PIEZO2: variants seen among roughly 807,000 people sequenced by gnomAD.
PIEZO2 encodes piezo type mechanosensitive ion channel component 2, also known as piezo-type mechanosensitive ion channel component 2.
In PIEZO2, 172 loss-of-function variants were observed where a neutral mutation model predicts 337.3. The ratio of observed to expected loss-of-function variants is 0.51; its 90% confidence interval spans 0.45 to 0.58. PIEZO2 has a LOEUF of 0.58. PIEZO2 is among the 20% of genes least tolerant of loss of function. PIEZO2 has a pLI of 0.00. For missense variants in PIEZO2, 3,028 were observed against 3,391.3 expected (o/e 0.89, Z 2.66); for synonymous variants, 1,251 against 1,228.5 (o/e 1.02, Z -0.38).
At chr18:10,848,660 C>T (rs190879414) in intron 7 of PIEZO2, among the ~76,000 whole-genome samples, 2 of 152,216 alleles carry the variant, frequency 1.3e-5, no homozygotes, top group African/African-American at 2.4e-5. Context: ...CAAACAAGTC[C>T]GACCCCTGCA....
At chr18:10,691,724 A>G (rs1435776334) in intron 47 of PIEZO2, among the ~76,000 whole-genome samples, 1 of 144,258 alleles carries the variant, frequency 6.9e-6, no homozygotes, top group Non-Finnish European at 1.5e-5. Flanking sequence ...CTGAAAGAAA[A>G]AGCCTATATA....
At chr18:10,744,094 C>T (rs1049332737) in intron 31 of PIEZO2, 48 bp downstream of exon 31, 1 of 1,345,908 alleles carries the variant, frequency 7.4e-7, no homozygotes, top group Non-Finnish European at 1.0e-6. Context: ...TGAATGTGGT[C>T]ACACAATCAG....
In PIEZO2 at chr18:10,813,051, C is replaced by T. The variant is rs1270423495; in HGVS notation, c.918-5777G>A. Among the ~76,000 whole-genome samples the T allele has an allele frequency of 2.0e-5, 3 of 151,404 alleles. No individual in the cohort carries two copies. Among genetic ancestry groups the T allele is most frequent in the Non-Finnish European group, 2.9e-5 (2 of 67,980 alleles). On this transcript the variant is annotated intron_variant, in intron 7 of 55. Coordinates refer to ENST00000674853, the MANE Select transcript of PIEZO2 (RefSeq NM_001378183.1). The surrounding 1 kb of genome is among the most constrained non-coding windows in gnomAD (Gnocchi z 4.2). Reference sequence around the variant, plus strand: ...CGGGCTGGAGTGCATTGGGCCTCTGCTCACTGCAACCTCTGCCTCCCCGGC... The same window carrying T: ...CGGGCTGGAGTGCATTGGGCCTCTGTTCACTGCAACCTCTGCCTCCCCGGC...
rs2041416162 is a variant in PIEZO2, at chr18:10,847,934, T to C, written c.917+7419A>G. Among the ~76,000 whole-genome samples the C allele has an allele frequency of 6.6e-6, 1 of 152,214 alleles. No individual in the cohort carries two copies. The highest frequency in any genetic ancestry group is 1.5e-5 in the Non-Finnish European group (1 of 68,034). On this transcript the variant is annotated intron_variant, in intron 7 of 55. Transcript: ENST00000674853. The surrounding 1 kb of genome is among the most constrained non-coding windows in gnomAD (Gnocchi z 5.7). ...GGTTCATTTGCATTCCTTAGCATTA[T>C]AATAACGTGCTTTACATTTGTTTTT... is the stretch of plus-strand genomic sequence containing the variant.
intron 27 of PIEZO2, among the ~76,000 whole-genome samples, 185 bp downstream of exon 27, chr18:10,757,784 T>G (rs1275602901): frequency 6.6e-6 from 1 of 151,976 alleles, no homozygotes; most frequent in Non-Finnish European, 1.5e-5. Flanking sequence ...CAAAAGCAGG[T>G]GCAGTGCTAT....
chr18:11,031,088 C>T lies in PIEZO2; in HGVS notation c.160+35039G>A, dbSNP rs1476267856. Reference sequence around the variant, plus strand: ...CATTGCAAACGCCGCCTCCCGGGTTCACACCATTCTCCTGCCTCAGCCTCT... The same window carrying T: ...CATTGCAAACGCCGCCTCCCGGGTTTACACCATTCTCCTGCCTCAGCCTCT... On this transcript the variant is annotated intron_variant, in intron 2 of 55. Transcript: ENST00000674853. The surrounding 1 kb of genome is among the most constrained non-coding windows in gnomAD (Gnocchi z 4.7). 1.3e-5 allele frequency among the ~76,000 whole-genome samples: 2 copies of T among 151,984 alleles called. No homozygotes were observed. Among genetic ancestry groups the T allele is most frequent in the African/African-American group, 4.8e-5 (2 of 41,372 alleles).
chr18:10,870,868 T>TC lies in PIEZO2; in HGVS notation c.492+384dup, dbSNP rs541994740. 1.5e-4 allele frequency among the ~76,000 whole-genome samples: 23 copies of TC among 152,294 alleles called. No homozygotes were observed. In the South Asian group the frequency reaches 2.3e-3, roughly 15 times the overall value. On this transcript the variant is annotated intron_variant, in intron 5 of 55. Transcript: ENST00000674853. The surrounding 1 kb of genome is among the most constrained non-coding windows in gnomAD (Gnocchi z 5.3). ...CCCTGCAAGGAGGAACTCATTTTTT[T>TC]CCCTAAAACTACCAGATGTTACTTC...
At chr18:10,689,094 A>G (rs1003346948) in intron 49 of PIEZO2, among the ~76,000 whole-genome samples, 5 of 152,162 alleles carry the variant, frequency 3.3e-5, no homozygotes, top group Admixed American at 6.5e-5. Context: ...ACCCCAGCTA[A>G]TGTTTTTTGG....
Position 10,750,203 on chromosome 18 carries a change from G to C in PIEZO2, c.4168-16C>G. ...ATGCTCCTATCTGAAAAACAAAAGA[G>C]GGGGATAATCCTGAAGCTCTGCAGC... On this transcript the variant is annotated splice_polypyrimidine_tract_variant and intron_variant, in intron 28 of 55. Coordinates refer to ENST00000674853, the MANE Select transcript of PIEZO2 (RefSeq NM_001378183.1). This position sits in a 1 kb window ranked among gnomAD's most constrained non-coding sequence, Gnocchi z 4.1. 1 of 1,518,448 alleles carries C rather than the reference G, an allele frequency of 6.6e-7. No homozygotes were observed. Among genetic ancestry groups the C allele is most frequent in the Non-Finnish European group, 8.9e-7 (1 of 1,129,904 alleles). The allele number at this position is 1,518,448 out of a possible 1,614,324, so 94.1% of individuals were successfully genotyped here.
chr18:10,680,354 C>G lies in PIEZO2; in HGVS notation c.7797G>C (p.Leu2599=). ...FSRDTGAMQF[L]ENYEKEDITV... ...TTATGTCTTCTTTTTCATAATTTTC[C>G]AGAAATTGCATAGCACCCTGTATGT... Residue 2599 remains leucine, a synonymous_variant, in exon 52 of 56, where the codon CTG becomes CTC. Coordinates refer to ENST00000674853, the MANE Select transcript of PIEZO2 (RefSeq NM_001378183.1). 1 of 1,613,660 alleles carries G rather than the reference C, an allele frequency of 6.2e-7. No individual in the cohort carries two copies. Among genetic ancestry groups the G allele is most frequent in the Non-Finnish European group, 8.5e-7 (1 of 1,179,788 alleles).
intron 7 of PIEZO2, among the ~76,000 whole-genome samples, chr18:10,808,676 T>C (rs1312402559): frequency 6.6e-6 from 1 of 152,226 alleles, no homozygotes; most frequent in East Asian, 1.9e-4. Flanking sequence ...CAGATTTATT[T>C]TTGGAGTTAG....
Position 10,803,947 on chromosome 18 carries a change from G to T in PIEZO2, c.1128C>A (p.Ser376Arg), listed in dbSNP as rs569707825. 1.3e-6 allele frequency: 2 copies of T among 1,537,334 alleles called. No homozygotes were observed. The highest frequency in any genetic ancestry group is 2.7e-5 in the African/African-American group (2 of 73,178). ...TCCTCCCCGCTGTTATTTGGATGGG[G>T]CTACAAGCCAGGGCTTTGTCCTCTT... ...TKEEDKALAC[S>R]PIQITAGRRR... Residue 376 changes from serine to arginine, a missense_variant, in exon 9 of 56, where the codon AGC (serine) becomes AGA (arginine). Physicochemically the swap from Ser to Arg is moderately radical, Grantham distance 110. Around this residue, in one of 5 missense-constraint regions of PIEZO2, gnomAD observed 542 missense variants for 605.6 expected, o/e 0.89. Transcript: ENST00000674853.
At chr18:11,064,972 A>G (rs2038103235) in intron 2 of PIEZO2, among the ~76,000 whole-genome samples, 1 of 152,166 alleles carries the variant, frequency 6.6e-6, no homozygotes, top group Non-Finnish European at 1.5e-5. Flanking sequence ...CTCATTAACA[A>G]TATATTTTTA....
At chr18:11,043,970 G>T (rs2037212130) in intron 2 of PIEZO2, among the ~76,000 whole-genome samples, 2 of 152,018 alleles carry the variant, frequency 1.3e-5, no homozygotes, top group Admixed American at 6.6e-5. Flanking sequence ...ACCGTGTCTG[G>T]CTGGTATTTT....
rs958362142 is a variant in PIEZO2, at chr18:10,943,985, T to C, written c.287-32757A>G. Among the ~76,000 whole-genome samples the C allele has an allele frequency of 6.6e-6, 1 of 152,186 alleles. No homozygotes were observed. Among genetic ancestry groups the C allele is most frequent in the Non-Finnish European group, 1.5e-5 (1 of 68,034 alleles). On this transcript the variant is annotated intron_variant, in intron 3 of 55. Coordinates refer to ENST00000674853, the MANE Select transcript of PIEZO2 (RefSeq NM_001378183.1). This position sits in a 1 kb window ranked among gnomAD's most constrained non-coding sequence, Gnocchi z 4.5. ...TGATGTGACTTCCTCCTACTTGCCT[T>C]CTGCCGTAATTGTGAGGCCTCCCCA...
chr18:10,675,108 T>C, intron 54 of PIEZO2, 101 bp downstream of exon 54: 1 of 747,398 alleles, frequency 1.3e-6, no homozygotes, highest in East Asian at 2.9e-5. Context: ...CAGGGAGAGA[T>C]AACTAGAAAG....
At chr18:11,057,368 C>T (rs1420320963) in intron 2 of PIEZO2, among the ~76,000 whole-genome samples, 1 of 152,162 alleles carries the variant, frequency 6.6e-6, no homozygotes, top group Non-Finnish European at 1.5e-5. Flanking sequence ...GAGGTAATTA[C>T]ACACATCAAG....
rs1420111880 is a variant in PIEZO2 at position 10,682,771 on chromosome 18, G to T, written c.7498-479C>A. ...ATTTTTAATTTAATTCATGACACGTGTTGTTAAAGACAATGTTGTTCGACA... is the reference window on the plus strand; with the variant it reads ...ATTTTTAATTTAATTCATGACACGTTTTGTTAAAGACAATGTTGTTCGACA... On this transcript the variant is annotated intron_variant, in intron 49 of 55. Coordinates refer to ENST00000674853, the MANE Select transcript of PIEZO2 (RefSeq NM_001378183.1). This position sits in a 1 kb window ranked among gnomAD's most constrained non-coding sequence, Gnocchi z 5.6. 1.6e-5 allele frequency among the ~76,000 whole-genome samples: 1 copy of T among 63,932 alleles called. No homozygotes were observed. The highest frequency in any genetic ancestry group is 2.3e-4 in the Admixed American group (1 of 4,380). 41.9% of individuals were successfully genotyped at this position (63,932 alleles called of 152,430 possible). A position where few individuals can be genotyped will look rare whatever the true frequency, so the allele number is the denominator to read the frequency against.
At chr18:10,792,563 A>G (rs1170552137) in intron 13 of PIEZO2, among the ~76,000 whole-genome samples, 1 of 152,218 alleles carries the variant, frequency 6.6e-6, no homozygotes, top group Non-Finnish European at 1.5e-5. Flanking sequence ...GTTTTTACTT[A>G]GCATAATGTT....
Sources: allele counts gnomAD v4.1 joint callset (sites outside exome capture counted in the v4.1 genomes callset), GRCh38; gene constraint gnomAD v4.1.1; regional missense constraint gnomAD v4.1.1; non-coding constraint Gnocchi (gnomAD v3.1); transcripts MANE v1.5; gene names NCBI Gene and HGNC (gene_info 2026-07-23, HGNC 2026-07-21).